Variants in DMBX1 observed in about 807,000 individuals in gnomAD.
The protein encoded by DMBX1 is diencephalon/mesencephalon homeobox protein 1.
Under a neutral mutation model 30.4 loss-of-function variants are expected in DMBX1, and 7 were observed. That is an observed-to-expected ratio of 0.23 (90% CI 0.13 to 0.43). DMBX1 has a LOEUF of 0.43. DMBX1 is among the 20% of genes least tolerant of loss of function. The pLI is 1.00. For synonymous variants in DMBX1, 222 were observed against 214.2 expected, an observed-to-expected ratio of 1.04 and a Z score of -0.32; for missense variants, 460 against 508.5, an observed-to-expected ratio of 0.90 and a Z score of 0.92.
At chr1:46,494,240 C>T (rs542272879) in intron 2 of DMBX1, among the ~76,000 whole-genome samples, 19 of 152,314 alleles carry the variant, frequency 1.2e-4, no homozygotes, top group African/African-American at 3.6e-4. Flanking sequence ...GGGCCAGATT[C>T]GAGAAAAAGC....
chr1:46,494,790 C>G (rs190143952), intron 2 of DMBX1, among the ~76,000 whole-genome samples: 13 of 152,318 alleles, frequency 8.5e-5, no homozygotes, highest in African/African-American at 3.1e-4. Flanking sequence ...TCCAGGTTCA[C>G]TTTGGGGGCC....
At chr1:46,505,045 A>G (rs1316149616) in intron 2 of DMBX1, among the ~76,000 whole-genome samples, 1 of 150,426 alleles carries the variant, frequency 6.6e-6, no homozygotes, top group Admixed American at 6.7e-5. Context: ...CAAAACCACA[A>G]TGAGATACCA....
chr1:46,498,957 C>T (rs1379297979), intron 2 of DMBX1, among the ~76,000 whole-genome samples: 2 of 152,160 alleles, frequency 1.3e-5, no homozygotes, highest in East Asian at 1.9e-4. Flanking sequence ...TTTAGGCTTC[C>T]ACACAGCTTC....
chr1:46,506,640 T>G (rs1666240967), intron 2 of DMBX1, among the ~76,000 whole-genome samples: 1 of 152,202 alleles, frequency 6.6e-6, no homozygotes, highest in Admixed American at 6.5e-5. Flanking sequence ...ATGAGATAGG[T>G]ACTATCATGA....
At chr1:46,503,474 A>T (rs2148486251) in intron 2 of DMBX1, among the ~76,000 whole-genome samples, 1 of 152,352 alleles carries the variant, frequency 6.6e-6, no homozygotes, top group Non-Finnish European at 1.5e-5. Context: ...TATGTGTAAT[A>T]TACAAATGGA....
In DMBX1 at chr1:46,498,312, C is replaced by A. The variant is rs1666062549; in HGVS notation, c.-13+7529C>A. Among the ~76,000 whole-genome samples, 3 of 152,322 alleles carry A rather than the reference C, an allele frequency of 2.0e-5. No individual in the cohort carries two copies. The South Asian group carries it at 6.2e-4, about 32-fold the overall frequency. The stretch of plus-strand genomic sequence containing the variant: ...TCCTGGGCTGTGGTGGTCCTGCCTC[C>A]CTCACAATCTCTTGGTCTAAAATTC... On this transcript the variant is annotated intron_variant, in intron 2 of 5. Coordinates refer to ENST00000360032, the MANE Select transcript of DMBX1 (RefSeq NM_172225.2).
intron 2 of DMBX1, among the ~76,000 whole-genome samples, chr1:46,501,272 C>CTTTCTTTCTTTCTTTCTT (rs1557786162): frequency 4.8e-5 from 4 of 83,958 alleles, no homozygotes; most frequent in East Asian, 3.2e-4. Flanking sequence ...CTTTCTTTCT[C>CTTTCTTTCTTTCTTTCTT]TTCTTTCTTT....
intron 2 of DMBX1, among the ~76,000 whole-genome samples, chr1:46,501,013 GAATA>G (rs1224810422): frequency 6.6e-6 from 1 of 152,088 alleles, no homozygotes; most frequent in Non-Finnish European, 1.5e-5. Context: ...TTGATGTAAG[GAATA>G]AATAGCTCTT....
At chr1:46,497,871 G>A (rs886154641) in intron 2 of DMBX1, among the ~76,000 whole-genome samples, 1 of 152,214 alleles carries the variant, frequency 6.6e-6, no homozygotes, top group Non-Finnish European at 1.5e-5. Context: ...AGCACAATTC[G>A]ACAGCTTGTG....
At position 46,512,339 on chromosome 1, in the gene DMBX1, C is replaced by A. The variant is rs770439619; in HGVS notation, c.979C>A (p.Gln327Lys). Residue 327 changes from glutamine to lysine, a missense_variant, in exon 6 of 6, where the codon CAG (glutamine) becomes AAG (lysine). This residue lies in a region of DMBX1 where 334 missense variants were observed against 345.1 expected (regional missense o/e 0.97). Transcript: ENST00000360032. The surrounding 1 kb of genome is among the most constrained non-coding windows in gnomAD (Gnocchi z 4.8). ...QSLSAAAAAHQGVWGSPLLPA... is the reference protein window; with the variant it reads ...QSLSAAAAAHKGVWGSPLLPA... ...CCTGTCAGCAGCCGCTGCTGCCCAC[C>A]AGGGTGTGTGGGGGTCTCCTCTGCT... 1.5e-5 allele frequency: 25 copies of A among 1,613,874 alleles called. No individual in the cohort carries two copies. Among genetic ancestry groups the A allele is most frequent in the Non-Finnish European group, 8.5e-7 (1 of 1,180,002 alleles).
chr1:46,514,910 G>T lies in DMBX1; in HGVS notation c.*2416G>T, dbSNP rs1478822842. On this transcript the variant is annotated 3_prime_UTR_variant, in exon 6 of 6. Coordinates refer to ENST00000360032, the MANE Select transcript of DMBX1 (RefSeq NM_172225.2). ...GATGGTAGTCTAGGCCAGGAGAAGT[G>T]TTTGAACAAAGCAGCAGAGATGAGA... Among the ~76,000 whole-genome samples the T allele has an allele frequency of 2.0e-5, 3 of 152,162 alleles. No homozygotes were observed. Among genetic ancestry groups the T allele is most frequent in the African/African-American group, 7.2e-5 (3 of 41,438 alleles).
At chr1:46,504,856 G>A (rs1175890337) in intron 2 of DMBX1, among the ~76,000 whole-genome samples, 2 of 150,456 alleles carry the variant, frequency 1.3e-5, no homozygotes, top group African/African-American at 4.9e-5. Context: ...AGCATGGAAT[G>A]TTCTTCCATT....
rs529069628 is a variant in DMBX1, at chr1:46,512,749, C to T, written c.*255C>T. The stretch of plus-strand genomic sequence containing the variant: ...AGGCTGGGGTGCCCCAAGCTTCCCT[C>T]GGAGAAGTGAGAGGCTCTCCCTGGC... On this transcript the variant is annotated 3_prime_UTR_variant, in exon 6 of 6. Transcript: ENST00000360032. This position sits in a 1 kb window ranked among gnomAD's most constrained non-coding sequence, Gnocchi z 4.8. 10 of 506,422 alleles carry T rather than the reference C, an allele frequency of 2.0e-5. No individual in the cohort carries two copies. Among genetic ancestry groups the T allele is most frequent in the African/African-American group, 7.6e-5 (4 of 52,898 alleles). 31.4% of individuals were successfully genotyped at this position (506,422 alleles called of 1,614,324 possible).
chr1:46,504,413 A>G (rs1666192808), intron 2 of DMBX1, among the ~76,000 whole-genome samples: 1 of 150,236 alleles, frequency 6.7e-6, no homozygotes, highest in Admixed American at 6.6e-5. Flanking sequence ...GAAGGGATCC[A>G]GTTTCAGCTT....
At chr1:46,501,641 G>A (rs552692489) in intron 2 of DMBX1, among the ~76,000 whole-genome samples, 4 of 152,164 alleles carry the variant, frequency 2.6e-5, no homozygotes, top group African/African-American at 9.6e-5. Flanking sequence ...CTTCTTTAAT[G>A]AGTTGTTTCT....
rs753253355 is a variant in DMBX1, at chr1:46,512,506, C to T, written c.*12C>T. ...CGCTGCCCAACTGACTGTCTGGCTT[C>T]CAACCCAGCCAGGGGTCTTAGGTGT... On this transcript the variant is annotated 3_prime_UTR_variant, in exon 6 of 6. Transcript: ENST00000360032. The surrounding 1 kb of genome is among the most constrained non-coding windows in gnomAD (Gnocchi z 4.8). 1.3e-6 allele frequency: 2 copies of T among 1,598,982 alleles called. No individual in the cohort carries two copies. Among genetic ancestry groups the T allele is most frequent in the Non-Finnish European group, 1.7e-6 (2 of 1,170,908 alleles).
At chr1:46,496,759 T>G (rs560606958) in intron 2 of DMBX1, among the ~76,000 whole-genome samples, 24 of 152,314 alleles carry the variant, frequency 1.6e-4, no homozygotes, top group Admixed American at 1.6e-3. Flanking sequence ...CTTTCCCTCC[T>G]GGTTAGTGTC....
chr1:46,512,640 C>A lies in DMBX1; in HGVS notation c.*146C>A. 1.1e-6 allele frequency: 1 copy of A among 907,884 alleles called. No individual in the cohort carries two copies. 56.2% of individuals were successfully genotyped at this position (907,884 alleles called of 1,614,324 possible). A position where few individuals can be genotyped will look rare whatever the true frequency, so the allele number is the denominator to read the frequency against. ...GTTCCCTGCTCCGCTTCCCCATACC[C>A]CAGCCCGAGGTGAAGCCCACACCTA... On this transcript the variant is annotated 3_prime_UTR_variant, in exon 6 of 6. Coordinates refer to ENST00000360032, the MANE Select transcript of DMBX1 (RefSeq NM_172225.2). This position sits in a 1 kb window ranked among gnomAD's most constrained non-coding sequence, Gnocchi z 4.8.
chr1:46,501,770 T>C (rs1336362062), intron 2 of DMBX1, among the ~76,000 whole-genome samples: 2 of 151,964 alleles, frequency 1.3e-5, no homozygotes, highest in Admixed American at 6.6e-5. Context: ...CCCCTCACTT[T>C]AGCCTCCTGA....
Sources: gnomAD v4.1 joint callset for allele counts (sites outside exome capture counted in the v4.1 genomes callset) on GRCh38, gnomAD v4.1.1 for gene constraint, gnomAD v4.1.1 regional missense constraint, Gnocchi (gnomAD v3.1) non-coding constraint, MANE v1.5 for transcripts, NCBI Gene and HGNC (gene_info 2026-07-23, HGNC 2026-07-21) for gene names.